The following NSD3 variants were observed in gnomAD, a reference collection of about 807,000 sequenced individuals.
The protein encoded by NSD3 is histone-lysine N-methyltransferase NSD3.
In NSD3, 24 loss-of-function variants were observed where a neutral mutation model predicts 160.8. The observed-to-expected ratio is 0.15, with a 90% CI of 0.11 to 0.21. The LOEUF (loss-of-function observed/expected upper bound fraction) is 0.21, where lower values mean the gene tolerates loss of function less well. Ranked by LOEUF, NSD3 falls within the 10% of genes least tolerant of loss-of-function variation. The pLI is 1.00. For synonymous variants in NSD3, 520 were observed against 600.0 expected, an observed-to-expected ratio of 0.87 and a Z score of 1.95; for missense variants, 1,157 against 1,735.9, an observed-to-expected ratio of 0.67 and a Z score of 5.93.
rs1810008177 is a variant in NSD3, at chr8:38,329,748, G to A, written c.1211C>T (p.Ser404Phe). ...YIDKQPEEAL[S>F]QAKKSVASKT... ...GGAGGCAACACTCTTTTTTGCTTGG[G>A]ATAAAGCCTCTTCAGGCTGTTTATC... is the stretch of plus-strand genomic sequence containing the variant. Residue 404 changes from serine (S) to phenylalanine (F), a missense_variant, in exon 6 of 24, where the codon TCC becomes TTC. Physicochemically the swap from Ser to Phe is radical, Grantham distance 155. Coordinates refer to ENST00000317025, the MANE Select transcript of NSD3 (RefSeq NM_023034.2). This position sits in a 1 kb window ranked among gnomAD's most constrained non-coding sequence, Gnocchi z 4.8. The A allele has an allele frequency of 6.2e-7, 1 of 1,614,044 alleles. No homozygotes were observed. The highest frequency in any genetic ancestry group is 1.3e-5 in the African/African-American group (1 of 75,000).
intron 1 of NSD3, among the ~76,000 whole-genome samples, chr8:38,356,498 T>C (rs1376680666): frequency 6.6e-6 from 1 of 151,388 alleles, no homozygotes; most frequent in African/African-American, 2.4e-5. Flanking sequence ...AGAGGGCCTG[T>C]TTGAGGCCAG....
chr8:38,280,970 G>A (rs528740746), intron 20 of NSD3, among the ~76,000 whole-genome samples: 7 of 151,996 alleles, frequency 4.6e-5, no homozygotes, highest in Admixed American at 4.6e-4. Context: ...TGCACAGGCT[G>A]GTCTCAAACT....
At chr8:38,334,625 T>C (rs1222582454) in intron 4 of NSD3, among the ~76,000 whole-genome samples, 1 of 149,492 alleles carries the variant, frequency 6.7e-6, no homozygotes, top group South Asian at 2.1e-4. Context: ...GCCGGTGTGG[T>C]GGTGGGTGCC....
chr8:38,289,555 A>G (rs749943480), intron 17 of NSD3, 50 bp from the exon 18 acceptor site: 3 of 1,535,162 alleles, frequency 2.0e-6, no homozygotes, highest in Non-Finnish European at 1.8e-6. Context: ...CCAAAGGAAA[A>G]TTGATGGGAT....
chr8:38,376,685 C>G (rs890278017), intron 1 of NSD3, among the ~76,000 whole-genome samples: 2 of 152,162 alleles, frequency 1.3e-5, no homozygotes, highest in Non-Finnish European at 2.9e-5. Flanking sequence ...GATCCACCCG[C>G]CTTGGCCCCG....
At position 38,318,803 on chromosome 8, in the gene NSD3, C is replaced by CTCTT; in HGVS notation, c.1855+91_1855+92insAAGA. 3.2e-6 allele frequency: 4 copies of CTCTT among 1,259,710 alleles called. No individual in the cohort carries two copies. Among genetic ancestry groups the CTCTT allele is most frequent in the Non-Finnish European group, 3.4e-6 (3 of 869,688 alleles). 78.0% of individuals were successfully genotyped at this position (1,259,710 alleles called of 1,614,324 possible). A position where few individuals can be genotyped will look rare whatever the true frequency, so the allele number is the denominator to read the frequency against. ...CACACTGAAGAGCAACAACGATTTA[C>CTCTT]AGAGACAGACAAAAATACATGAAGT... On this transcript the variant is annotated intron_variant, in intron 9 of 23. Transcript: ENST00000317025. The surrounding 1 kb of genome is among the most constrained non-coding windows in gnomAD (Gnocchi z 5.3).
Position 38,317,429 on chromosome 8 carries a change from G to A in NSD3, c.1856-1387C>T. The A allele has an allele frequency of 3.8e-6, 4 of 1,055,134 alleles. No individual in the cohort carries two copies. Among genetic ancestry groups the A allele is most frequent in the Non-Finnish European group, 4.6e-6 (4 of 872,888 alleles). The allele number at this position is 1,055,134 out of a possible 1,614,324, so 65.4% of individuals were successfully genotyped here. On this transcript the variant is annotated intron_variant, in intron 9 of 23. Coordinates refer to ENST00000317025, the MANE Select transcript of NSD3 (RefSeq NM_023034.2). The surrounding 1 kb of genome is among the most constrained non-coding windows in gnomAD (Gnocchi z 5.3). ...ACAAGGAGTTTTAACAGAGGAACAG[G>A]AGTGCTGTACTGAGAGGCTTTCGAA...
chr8:38,298,627 G>T (rs1227297125), intron 15 of NSD3, among the ~76,000 whole-genome samples: 2 of 152,046 alleles, frequency 1.3e-5, no homozygotes, highest in African/African-American at 4.8e-5. Flanking sequence ...ATCATAATGG[G>T]AATGTACACA....
Position 38,381,746 on chromosome 8 carries a change from GCACACA to G in NSD3, c.-45+47_-45+52del, listed in dbSNP as rs58263746. The G allele has an allele frequency of 4.1e-3, 595 of 144,898 alleles. 4 individuals are homozygous for G. Among genetic ancestry groups the G allele is most frequent in the African/African-American group, 0.01 (395 of 37,976 alleles). 9.0% of individuals were successfully genotyped at this position (144,898 alleles called of 1,614,324 possible). ...CCTAGCACTACACACGCGCGCGCGC[GCACACA>G]CACACACACACACACACACACATAC... On this transcript the variant is annotated intron_variant, in intron 1 of 23. Coordinates refer to ENST00000317025, the MANE Select transcript of NSD3 (RefSeq NM_023034.2).
At chr8:38,312,480 T>C (rs1191888741) in intron 12 of NSD3, among the ~76,000 whole-genome samples, 1 of 152,180 alleles carries the variant, frequency 6.6e-6, no homozygotes, top group Non-Finnish European at 1.5e-5. Flanking sequence ...GATTGCATAC[T>C]TGATATACTT....
In NSD3 at chr8:38,321,107, C is replaced by T; in HGVS notation, c.1774G>A (p.Glu592Lys). ...RTRSESEKSTEVVPKKKIKKE... is the reference protein window; with the variant it reads ...RTRSESEKSTKVVPKKKIKKE... Reference sequence around the variant, plus strand: ...TTGATCTTCTTCTTTGGCACAACCTCAGTGGATTTCTCTGATTCAGAACGA... The same window carrying T: ...TTGATCTTCTTCTTTGGCACAACCTTAGTGGATTTCTCTGATTCAGAACGA... Residue 592 changes from glutamate (E) to lysine (K), a missense_variant, in exon 8 of 24, where the codon GAG becomes AAG. Glu to Lys is a moderately conservative substitution (Grantham distance 56). Transcript: ENST00000317025. This position sits in a 1 kb window ranked among gnomAD's most constrained non-coding sequence, Gnocchi z 4.7. 1 of 1,613,574 alleles carries T rather than the reference C, an allele frequency of 6.2e-7. No homozygotes were observed. Among genetic ancestry groups the T allele is most frequent in the Non-Finnish European group, 8.5e-7 (1 of 1,179,914 alleles).
In NSD3 at chr8:38,304,668, T is replaced by A. The variant is rs993754552; in HGVS notation, c.2530A>T (p.Ile844Phe). The change falls in exon 14 of 24, where the codon ATT becomes TTT. Residue 844 changes from isoleucine to phenylalanine, a missense_variant. Transcript: ENST00000317025. ...TTGGAATGATTACTACAGATGAGAA[T>A]GTAGGAGGATACTAACATGCTTCCG... Reference protein sequence around the residue: ...AAGSMLVSSYILICSNHSKRS... With the variant: ...AAGSMLVSSYFLICSNHSKRS... 6.2e-7 allele frequency: 1 copy of A among 1,613,978 alleles called. No individual in the cohort carries two copies. The highest frequency in any genetic ancestry group is 1.3e-5 in the African/African-American group (1 of 74,940).
Position 38,288,423 on chromosome 8 carries a change from A to C in NSD3, c.3501+64T>G. On this transcript the variant is annotated intron_variant, in intron 19 of 23. Transcript: ENST00000317025. This position sits in a 1 kb window ranked among gnomAD's most constrained non-coding sequence, Gnocchi z 4.5. ...GATTTTATCCCTAGAACTATACCCT[A>C]CTGAAGCATTCCTGAAAAGCCAGGT... The C allele has an allele frequency of 6.4e-7, 1 of 1,571,270 alleles. No individual in the cohort carries two copies. The highest frequency in any genetic ancestry group is 8.6e-7 in the Non-Finnish European group (1 of 1,157,106).
At chr8:38,379,765 G>A (rs1811490550) in intron 1 of NSD3, among the ~76,000 whole-genome samples, 1 of 152,084 alleles carries the variant, frequency 6.6e-6, no homozygotes, top group Admixed American at 6.5e-5. Context: ...GGCCTTCTTG[G>A]TATTAGAGAA....
chr8:38,311,122 C>G (rs1022735583), intron 12 of NSD3, among the ~76,000 whole-genome samples: 6 of 149,938 alleles, frequency 4.0e-5, no homozygotes, highest in African/African-American at 1.5e-4. Context: ...CCATATTGCC[C>G]AGGCTGGTCT....
chr8:38,349,718 G>T, intron 1 of NSD3, among the ~76,000 whole-genome samples: 1 of 132,844 alleles, frequency 7.5e-6, no homozygotes, highest in African/African-American at 2.9e-5. Context: ...TAAGTTCTAG[G>T]GTACATGTGC....
chr8:38,361,238 C>G (rs1810953160), intron 1 of NSD3, among the ~76,000 whole-genome samples: 1 of 151,776 alleles, frequency 6.6e-6, no homozygotes, highest in African/African-American at 2.4e-5. Context: ...AAGTGATCCA[C>G]CCACCTTGGC....
chr8:38,317,452 G>A lies in NSD3; in HGVS notation c.1856-1410C>T. 3 of 1,056,596 alleles carry A rather than the reference G, an allele frequency of 2.8e-6. No individual in the cohort carries two copies. Among genetic ancestry groups the A allele is most frequent in the Non-Finnish European group, 3.4e-6 (3 of 873,828 alleles). 65.5% of individuals were successfully genotyped at this position (1,056,596 alleles called of 1,614,324 possible). A position where few individuals can be genotyped will look rare whatever the true frequency, so the allele number is the denominator to read the frequency against. On this transcript the variant is annotated intron_variant, in intron 9 of 23. Transcript: ENST00000317025. The surrounding 1 kb of genome is among the most constrained non-coding windows in gnomAD (Gnocchi z 5.3). ...AGGAGTGCTGTACTGAGAGGCTTTC[G>A]AAGGGAAACACAGGTACCGCCATTT...
At chr8:38,357,036 T>C (rs1229557478) in intron 1 of NSD3, among the ~76,000 whole-genome samples, 9 of 147,142 alleles carry the variant, frequency 6.1e-5, no homozygotes, top group African/African-American at 2.3e-4. Flanking sequence ...GGAGAATTGC[T>C]TGAATCTGGG....
Sources: gnomAD v4.1 joint callset for allele counts (sites outside exome capture counted in the v4.1 genomes callset) on GRCh38, gnomAD v4.1.1 for gene constraint, Gnocchi (gnomAD v3.1) non-coding constraint, MANE v1.5 for transcripts, NCBI Gene and HGNC (gene_info 2026-07-23, HGNC 2026-07-21) for gene names.